Variants in CDC42BPG observed in about 807,000 individuals in gnomAD.
CDC42BPG encodes CDC42 binding protein kinase gamma.
In CDC42BPG, 157 loss-of-function variants were observed where a neutral mutation model predicts 192.2. The ratio of observed to expected loss-of-function variants is 0.82; its 90% CI spans 0.72 to 0.93. The LOEUF is 0.93. Among genes scored for constraint, CDC42BPG ranks in the 40% least tolerant of loss-of-function variants. The probability of loss-of-function intolerance (pLI) is 0.00; values close to 1 mark genes in which losing one functional copy is unlikely to be tolerated. For synonymous variants in CDC42BPG, 981 were observed against 918.5 expected, an observed-to-expected ratio of 1.07 and a Z score of -1.23; for missense variants, 1,992 against 2,122.1, an observed-to-expected ratio of 0.94 and a Z score of 1.20.
intron 24 of CDC42BPG, 53 bp downstream of exon 24, chr11:64,833,178 C>T: frequency 1.4e-6 from 2 of 1,407,420 alleles, no homozygotes; most frequent in Non-Finnish European, 2.0e-6. Flanking sequence ...CTGGGTATGC[C>T]AGGGCCACAC....
chr11:64,832,906 CG>C lies in CDC42BPG; in HGVS notation c.2784del (p.Val929CysfsTer45). On this transcript the variant is annotated frameshift_variant, in exon 25 of 37. Coordinates refer to ENST00000342711, the MANE Select transcript of CDC42BPG (RefSeq NM_017525.3). LOFTEE classifies it high-confidence loss of function. ...GCTGTGCGGAGGAGGTCAGGGGGCACGGGGCAGGGTGGGGCCTGTGGGGCAC... is the reference window on the plus strand; with the variant it reads ...GCTGTGCGGAGGAGGTCAGGGGGCACGGGCAGGGTGGGGCCTGTGGGGCAC... ...TTCAPQAPPC[P>X]VPPDLLRTAL... 1 of 1,520,346 alleles carries C rather than the reference CG, an allele frequency of 6.6e-7. No individual in the cohort carries two copies. The highest frequency in any genetic ancestry group is 8.9e-7 in the Non-Finnish European group (1 of 1,122,820). 94.2% of individuals were successfully genotyped at this position (1,520,346 alleles called of 1,614,324 possible).
chr11:64,826,381 C>T (rs1942415815), intron 36 of CDC42BPG, 89 bp downstream of exon 36: 4 of 907,992 alleles, frequency 4.4e-6, no homozygotes, highest in Non-Finnish European at 7.1e-6. Flanking sequence ...AGCTTGTTCC[C>T]TAGCCTAGGT....
chr11:64,840,509 G>A (rs1380970176), intron 4 of CDC42BPG, 44 bp downstream of exon 4: 1 of 1,586,712 alleles, frequency 6.3e-7, no homozygotes, highest in African/African-American at 1.3e-5. Context: ...GCCCTCTCCT[G>A]TGTCCCTAGG....
At position 64,836,453 on chromosome 11, in the gene CDC42BPG, G is replaced by T; in HGVS notation, c.1462C>A (p.Arg488=). Residue 488 remains arginine (R), a synonymous_variant, in exon 12 of 37, where the codon CGG becomes AGG. Transcript: ENST00000342711. ...AGSPGQDSDL[R]QELDRLHREL... is the part of the protein sequence containing the mutation. The stretch of plus-strand genomic sequence containing the variant: ...CGGTGAAGTCGGTCAAGCTCCTGCC[G>T]TAGGTCACTGTCCTGACCTGGGCTA... The T allele has an allele frequency of 6.2e-7, 1 of 1,613,344 alleles. No homozygotes were observed. The highest frequency in any genetic ancestry group is 8.5e-7 in the Non-Finnish European group (1 of 1,179,838).
chr11:64,838,542 G>C, intron 8 of CDC42BPG, 112 bp downstream of exon 8: 4 of 1,372,274 alleles, frequency 2.9e-6, no homozygotes, highest in Non-Finnish European at 3.0e-6. Context: ...CATAAGCCCC[G>C]GTGTCTGAAG....
chr11:64,831,850 C>G, intron 27 of CDC42BPG, 129 bp from the exon 28 acceptor site: 1 of 778,374 alleles, frequency 1.3e-6, no homozygotes. Flanking sequence ...GTAGGCCAGA[C>G]AGGCAAACAG....
intron 26 of CDC42BPG, 39 bp from the exon 27 acceptor site, chr11:64,832,548 C>T: frequency 6.2e-7 from 1 of 1,613,830 alleles, no homozygotes; most frequent in South Asian, 1.1e-5. Flanking sequence ...TCTCCCTGTC[C>T]CTGACTGCCC....
At chr11:64,840,325 C>T (rs990113024) in intron 4 of CDC42BPG, 57 bp from the exon 5 acceptor site, 16 of 1,585,202 alleles carry the variant, frequency 1.0e-5, no homozygotes, top group African/African-American at 4.0e-5. Context: ...GCCACTTCAC[C>T]GCGGTCCCGC....
In CDC42BPG at chr11:64,833,257, A is replaced by C. The variant is rs1234786028; in HGVS notation, c.2705T>G (p.Leu902Arg). The change falls in exon 24 of 37, where the codon CTG becomes CGG. Residue 902 changes from leucine (L) to arginine (R), a missense_variant. By Grantham distance (102) the Leu-to-Arg change is moderately radical. This residue lies in a region of CDC42BPG where 1,656 missense variants were observed against 1,844.3 expected (regional missense o/e 0.90). Transcript: ENST00000342711. ...ATCACAACCCAGGCCCTGGCGGCCC[A>C]GGCCCAGCATCAGCGAGGTGCAGCG... ...CLRCTSLMLG[L>R]GRQGLGCDAC... The C allele has an allele frequency of 1.9e-6, 3 of 1,549,104 alleles. No individual in the cohort carries two copies. Among genetic ancestry groups the C allele is most frequent in the Non-Finnish European group, 2.6e-6 (3 of 1,146,654 alleles).
chr11:64,826,791 G>A lies in CDC42BPG; in HGVS notation c.4393C>T (p.Pro1465Ser). The change falls in exon 35 of 37, where the codon CCC becomes TCC. Residue 1465 changes from proline (P) to serine (S), a missense_variant. Pro to Ser is a moderately conservative substitution (Grantham distance 74, BLOSUM62 -1). Transcript: ENST00000342711. The part of the protein sequence containing the change: ...RPGARDKSPA[P>S]EEKGRVARGS... ...CGGGCAACTCGGCCCTTCTCTTCGG[G>A]AGCCTGTTGGGTGACAGTGCGGAGG... is the stretch of plus-strand genomic sequence containing the variant. 1 of 1,499,414 alleles carries A rather than the reference G, an allele frequency of 6.7e-7. No homozygotes were observed. The highest frequency in any genetic ancestry group is 1.4e-5 in the African/African-American group (1 of 71,698). 92.9% of individuals were successfully genotyped at this position (1,499,414 alleles called of 1,614,324 possible).
Position 64,831,659 on chromosome 11 carries a change from GCTCT to G in CDC42BPG, c.3146_3149del (p.Glu1049AlafsTer87). On this transcript the variant is annotated frameshift_variant, in exon 28 of 37. Coordinates refer to ENST00000342711, the MANE Select transcript of CDC42BPG (RefSeq NM_017525.3). LOFTEE classifies it high-confidence loss of function. ...GCAGCCAGCGTTCCCGCTCCCCCTC[GCTCT>G]CTGCCAGCAGCAGCACAGTGCACGT... 1 of 1,609,882 alleles carries G rather than the reference GCTCT, an allele frequency of 6.2e-7. No homozygotes were observed. Among genetic ancestry groups the G allele is most frequent in the Non-Finnish European group, 8.5e-7 (1 of 1,179,606 alleles).
At chr11:64,825,730 C>G (rs145461285) in intron 36 of CDC42BPG, among the ~76,000 whole-genome samples, 6 of 152,196 alleles carry the variant, frequency 3.9e-5, no homozygotes, top group Non-Finnish European at 7.4e-5. Flanking sequence ...GCTCCCTCCT[C>G]TGACCCCCCA....
Position 64,844,602 on chromosome 11 carries a change from G to C in CDC42BPG, c.-33C>G. 1 of 1,240,552 alleles carries C rather than the reference G, an allele frequency of 8.1e-7. No individual in the cohort carries two copies. 76.8% of individuals were successfully genotyped at this position (1,240,552 alleles called of 1,614,324 possible). A position where few individuals can be genotyped will look rare whatever the true frequency, so the allele number is the denominator to read the frequency against. On this transcript the variant is annotated 5_prime_UTR_variant, in exon 1 of 37. Transcript: ENST00000342711. ...GCCGGAGCCTCGCTGCTCGGCTACAGTCTGGCCGCCCGCATGCCCGCCTGT... is the reference window on the plus strand; with the variant it reads ...GCCGGAGCCTCGCTGCTCGGCTACACTCTGGCCGCCCGCATGCCCGCCTGT...
In CDC42BPG at chr11:64,836,803, G is replaced by A. The variant is rs1201008134; in HGVS notation, c.1320C>T (p.Pro440=). The A allele has an allele frequency of 6.2e-7, 1 of 1,604,914 alleles. No homozygotes were observed. Among genetic ancestry groups the A allele is most frequent in the Non-Finnish European group, 8.5e-7 (1 of 1,176,294 alleles). ...SRKHQEALHA[P]TDHRELEQLR... is the part of the protein sequence containing the mutation. Reference sequence around the variant, plus strand: ...GCTGCTCCAGCTCCCGATGGTCTGTGGGGGCGTGCAGGGCCTCTGGAGGGG... The same window carrying A: ...GCTGCTCCAGCTCCCGATGGTCTGTAGGGGCGTGCAGGGCCTCTGGAGGGG... Residue 440 remains proline, a synonymous_variant, in exon 11 of 37, where the codon CCC becomes CCT. Coordinates refer to ENST00000342711, the MANE Select transcript of CDC42BPG (RefSeq NM_017525.3).
intron 13 of CDC42BPG, 24 bp from the exon 14 acceptor site, chr11:64,835,875 C>T (rs776820952): frequency 1.3e-6 from 2 of 1,592,044 alleles, no homozygotes; most frequent in East Asian, 4.5e-5. Context: ...AGAGGCAGGC[C>T]ACTGCCAACT....
In CDC42BPG at chr11:64,824,535, G is replaced by C; in HGVS notation, c.4600-6C>G. Reference sequence around the variant, plus strand: ...CTTCGGGGCCGTTCTGAGACCTGCAGGAGAAAGAAAAGGAAGTCAAGGGGT... The same window carrying C: ...CTTCGGGGCCGTTCTGAGACCTGCACGAGAAAGAAAAGGAAGTCAAGGGGT... On this transcript the variant is annotated splice_polypyrimidine_tract_variant and splice_region_variant and intron_variant, in intron 36 of 36. Transcript: ENST00000342711. 1 of 1,602,702 alleles carries C rather than the reference G, an allele frequency of 6.2e-7. No individual in the cohort carries two copies. The highest frequency in any genetic ancestry group is 1.1e-5 in the South Asian group (1 of 90,866).
At chr11:64,837,821 C>T (rs1176853008) in intron 9 of CDC42BPG, among the ~76,000 whole-genome samples, 1 of 152,236 alleles carries the variant, frequency 6.6e-6, no homozygotes, top group Non-Finnish European at 1.5e-5. Context: ...GGCCTTCGAA[C>T]CCTGCACCTC....
In CDC42BPG at chr11:64,844,579, C is replaced by G. The variant is rs1428582114; in HGVS notation, c.-10G>C. The G allele has an allele frequency of 2.5e-5, 31 of 1,260,960 alleles. No homozygotes were observed. Among genetic ancestry groups the G allele is most frequent in the Non-Finnish European group, 2.9e-5 (29 of 1,003,394 alleles). The allele number at this position is 1,260,960 out of a possible 1,614,324, so 78.1% of individuals were successfully genotyped here. A position where few individuals can be genotyped will look rare whatever the true frequency, so the allele number is the denominator to read the frequency against. On this transcript the variant is annotated 5_prime_UTR_variant, in exon 1 of 37. Coordinates refer to ENST00000342711, the MANE Select transcript of CDC42BPG (RefSeq NM_017525.3). ...GCAGCCGCCGCTCCATGGCTGCGGC[C>G]GGAGCCTCGCTGCTCGGCTACAGTC...
intron 3 of CDC42BPG, 74 bp from the exon 4 acceptor site, chr11:64,840,722 A>T: frequency 7.8e-7 from 1 of 1,290,188 alleles, no homozygotes; most frequent in Non-Finnish European, 1.1e-6. Flanking sequence ...AGCTCAGGGG[A>T]TGGAGAAAGA....
Sources: gnomAD v4.1 joint callset for allele counts (sites outside exome capture counted in the v4.1 genomes callset) on GRCh38, gnomAD v4.1.1 for gene constraint, gnomAD v4.1.1 regional missense constraint, MANE v1.5 for transcripts, NCBI Gene and HGNC (gene_info 2026-07-23, HGNC 2026-07-21) for gene names.